The following KAZN variants were observed in gnomAD, a reference collection of about 807,000 sequenced individuals.
KAZN encodes kazrin.
Under a neutral mutation model 87.4 loss-of-function variants are expected in KAZN, and 40 were observed. The ratio of observed to expected loss-of-function variants is 0.46; its 90% CI spans 0.36 to 0.60. The LOEUF (loss-of-function observed/expected upper bound fraction) is 0.60. Ranked by LOEUF, KAZN falls within the 20% of genes least tolerant of loss-of-function variation. KAZN has a pLI of 0.00. For missense variants in KAZN, 898 were observed against 1,073.9 expected (o/e 0.84, Z 2.29); for synonymous variants, 466 against 458.3 (o/e 1.02, Z -0.22).
chr1:14,732,444 G>T (rs1230408794), intron 1 of KAZN, among the ~76,000 whole-genome samples: 6 of 152,152 alleles, frequency 3.9e-5, no homozygotes, highest in African/African-American at 1.4e-4. Context: ...TTCAAGACCA[G>T]CCGGGCCAAT....
intron 1 of KAZN, among the ~76,000 whole-genome samples, chr1:14,699,000 A>G (rs1334091259): frequency 3.9e-5 from 6 of 152,010 alleles, no homozygotes; most frequent in South Asian, 4.2e-4. Context: ...AAATGGCAAG[A>G]GTTGCAGAAG....
At chr1:15,114,058 G>A (rs989593857) in intron 14 of KAZN, 11 of 161,882 alleles carry the variant, frequency 6.8e-5, no homozygotes, top group South Asian at 3.6e-4. Flanking sequence ...ACACCAGGCC[G>A]TCTAGAATAT....
intron 2 of KAZN, among the ~76,000 whole-genome samples, chr1:14,489,573 A>G (rs954059684): frequency 6.6e-6 from 1 of 152,002 alleles, no homozygotes; most frequent in African/African-American, 2.4e-5. Context: ...ATCTATACTG[A>G]AAATACAAAA....
rs141999117 is a variant in KAZN, at chr1:14,588,806, G to A, written c.250-10177G>A. Among the ~76,000 whole-genome samples the A allele has an allele frequency of 4.6e-3, 697 of 152,288 alleles. 8 individuals carry two copies. Among genetic ancestry groups the A allele is most frequent in the African/African-American group, 0.015 (616 of 41,556 alleles). On this transcript the variant is annotated intron_variant, in intron 2 of 16. Transcript: ENST00000636203. ...ACCTGGCTTTCTGCAGGACTCCCTC[G>A]GGGTTCCTCACTGGCAGGGGAAGAA...
chr1:14,389,845 TAACTA>T (rs1338879483), intron 2 of KAZN, among the ~76,000 whole-genome samples: 5 of 151,580 alleles, frequency 3.3e-5, no homozygotes, highest in Non-Finnish European at 5.9e-5. Context: ...CATTTAAAAA[TAACTA>T]AAAGAGTAAA....
chr1:14,630,221 G>A (rs1043088278), intron 1 of KAZN, among the ~76,000 whole-genome samples: 1 of 152,176 alleles, frequency 6.6e-6, no homozygotes, highest in Non-Finnish European at 1.5e-5. Context: ...ACCCCAGCTC[G>A]GTCCTGATGC....
intron 2 of KAZN, among the ~76,000 whole-genome samples, chr1:14,395,261 G>A (rs1662798919): frequency 6.6e-6 from 1 of 152,190 alleles, no homozygotes; most frequent in Non-Finnish European, 1.5e-5. Context: ...AATGAAACAA[G>A]AAAGAAGTCT....
At chr1:14,924,214 C>A in intron 1 of KAZN, 2 of 981,604 alleles carry the variant, frequency 2.0e-6, no homozygotes, top group Non-Finnish European at 2.4e-6. Context: ...GGACTGAGAG[C>A]CCTGGTCCGG....
intron 2 of KAZN, among the ~76,000 whole-genome samples, chr1:14,356,267 G>A (rs1450355268): frequency 3.0e-4 from 46 of 152,052 alleles, no homozygotes; most frequent in Non-Finnish European, 6.0e-4. Flanking sequence ...CCCACTTTTT[G>A]ATGGGGTTGT....
chr1:14,149,989 A>G (rs1281023611), intron 1 of KAZN, among the ~76,000 whole-genome samples: 1 of 152,248 alleles, frequency 6.6e-6, no homozygotes, highest in African/African-American at 2.4e-5. Flanking sequence ...TGATACCGAC[A>G]GTCATACTAG....
At chr1:14,474,705 G>A (rs1668626545) in intron 2 of KAZN, among the ~76,000 whole-genome samples, 1 of 152,132 alleles carries the variant, frequency 6.6e-6, no homozygotes, top group Admixed American at 6.5e-5. Flanking sequence ...TGATGAAAAT[G>A]GACTCTAGAA....
At chr1:13,926,874 T>G (rs1028490003) in intron 1 of KAZN, among the ~76,000 whole-genome samples, 3 of 152,224 alleles carry the variant, frequency 2.0e-5, no homozygotes, top group African/African-American at 7.2e-5. Context: ...GAAACATTTA[T>G]CATCTATGAT....
chr1:14,173,136 G>A (rs1282038144), intron 1 of KAZN, among the ~76,000 whole-genome samples: 3 of 152,162 alleles, frequency 2.0e-5, no homozygotes, highest in Admixed American at 6.5e-5. Flanking sequence ...AAGGGGAGGA[G>A]TAGCAAAAAA....
At chr1:14,819,327 A>C (rs938503915) in intron 1 of KAZN, among the ~76,000 whole-genome samples, 5 of 152,172 alleles carry the variant, frequency 3.3e-5, no homozygotes, top group African/African-American at 7.2e-5. Context: ...TTTACGTGTC[A>C]GCTTGGCTGG....
intron 2 of KAZN, among the ~76,000 whole-genome samples, chr1:14,552,336 A>G (rs1207281418): frequency 6.6e-6 from 1 of 152,174 alleles, no homozygotes; most frequent in Non-Finnish European, 1.5e-5. Flanking sequence ...GGCTCCACGG[A>G]GAGCGGCCCA....
chr1:14,365,211 TTTTG>T (rs1325385566), intron 2 of KAZN, among the ~76,000 whole-genome samples: 5 of 151,844 alleles, frequency 3.3e-5, no homozygotes, highest in South Asian at 4.2e-4. Flanking sequence ...GCCTGGCTAA[TTTTG>T]TTTTTGTATT....
At chr1:15,065,542 G>A (rs1337781782) in intron 7 of KAZN, 88 bp from the exon 8 acceptor site, 33 of 1,176,746 alleles carry the variant, frequency 2.8e-5, no homozygotes, top group South Asian at 2.2e-4. Context: ...TCCCCACCCC[G>A]GATCCCATCC....
At chr1:14,407,379 G>C (rs1394437877) in intron 2 of KAZN, among the ~76,000 whole-genome samples, 1 of 152,130 alleles carries the variant, frequency 6.6e-6, no homozygotes, top group Admixed American at 6.5e-5. Context: ...TTGTTCTGCT[G>C]GTCATTGAAA....
intron 1 of KAZN, among the ~76,000 whole-genome samples, chr1:14,636,895 C>T (rs1253017957): frequency 2.0e-5 from 3 of 152,204 alleles, no homozygotes; most frequent in Non-Finnish European, 4.4e-5. Flanking sequence ...ATCTTACCCT[C>T]CTGCTCCAAA....
Sources: gnomAD v4.1 joint callset for allele counts (sites outside exome capture counted in the v4.1 genomes callset) on GRCh38, gnomAD v4.1.1 for gene constraint, MANE v1.5 for transcripts, NCBI Gene and HGNC (gene_info 2026-07-23, HGNC 2026-07-21) for gene names.